ACKR3: variants seen among roughly 807,000 people sequenced by gnomAD.
ACKR3 encodes atypical chemokine receptor 3.
In ACKR3, 6 loss-of-function variants were observed where a neutral mutation model predicts 22.4. That is an observed-to-expected ratio of 0.27 (90% CI 0.15 to 0.53). The LOEUF is 0.53. ACKR3 is among the 20% of genes least tolerant of loss of function. ACKR3 has a pLI of 0.96. For missense variants in ACKR3, 396 were observed against 475.2 expected, an observed-to-expected ratio of 0.83 and a Z score of 1.55; for synonymous variants, 209 against 205.2, an observed-to-expected ratio of 1.02 and a Z score of -0.16.
At position 236,574,827 on chromosome 2, in the gene ACKR3, T is replaced by G. The variant is rs1189228727; in HGVS notation, c.-27+4903T>G. Among the ~76,000 whole-genome samples the G allele has an allele frequency of 6.6e-6, 1 of 152,070 alleles. No homozygotes were observed. The highest frequency in any genetic ancestry group is 2.4e-5 in the African/African-American group (1 of 41,394). ...ACATCCCAGAAACGAGAGGTGCATC[T>G]CCGAGAAAGTCCTGCAATTGACAAG... is the stretch of plus-strand genomic sequence containing the variant. On this transcript the variant is annotated intron_variant, in intron 1 of 1. Coordinates refer to ENST00000272928, the MANE Select transcript of ACKR3 (RefSeq NM_020311.3). This position sits in a 1 kb window ranked among gnomAD's most constrained non-coding sequence, Gnocchi z 5.6.
upstream of ACKR3, among the ~76,000 whole-genome samples, chr2:236,564,015 A>T (rs1189699611): frequency 2.0e-5 from 3 of 152,162 alleles, no homozygotes; most frequent in Non-Finnish European, 2.9e-5. Flanking sequence ...AGGGAGCCTA[A>T]GGCCCACCGG....
chr2:236,539,795 A>C, the ACKR3 span, among the ~76,000 whole-genome samples: 1 of 152,218 alleles, frequency 6.6e-6, no homozygotes, highest in Non-Finnish European at 1.5e-5. Flanking sequence ...ACTGACTCAC[A>C]GTTCTACATG....
the ACKR3 span, among the ~76,000 whole-genome samples, chr2:236,556,758 C>T: frequency 1.9e-3 from 284 of 152,276 alleles, 2 homozygotes; most frequent in Middle Eastern, 6.8e-3. Context: ...TTGTGATCTC[C>T]GCTCACTGCA....
chr2:236,551,202 C>T, the ACKR3 span, among the ~76,000 whole-genome samples: 1 of 152,230 alleles, frequency 6.6e-6, no homozygotes, highest in Non-Finnish European at 1.5e-5. Context: ...TCTCCCTCAG[C>T]CTCCCGGTGC....
At chr2:236,547,263 T>C in the ACKR3 span, among the ~76,000 whole-genome samples, 3 of 152,222 alleles carry the variant, frequency 2.0e-5, no homozygotes, top group Admixed American at 2.0e-4. Flanking sequence ...CTTGTTTTTT[T>C]CTTCTTGCTT....
chr2:236,543,298 T>A, the ACKR3 span, among the ~76,000 whole-genome samples: 2 of 152,116 alleles, frequency 1.3e-5, no homozygotes, highest in Non-Finnish European at 2.9e-5. Flanking sequence ...GGGCTCACGT[T>A]TTGTGGACCT....
the ACKR3 span, among the ~76,000 whole-genome samples, chr2:236,547,210 G>C: frequency 6.6e-6 from 1 of 152,170 alleles, no homozygotes; most frequent in African/African-American, 2.4e-5. Context: ...AAGTTGCCCA[G>C]AGCCTCTTTA....
At chr2:236,551,470 C>T in the ACKR3 span, among the ~76,000 whole-genome samples, 2 of 152,050 alleles carry the variant, frequency 1.3e-5, no homozygotes, top group East Asian at 1.9e-4. Context: ...CACAGCAGTC[C>T]GGCAGTGCTG....
intron 1 of ACKR3, among the ~76,000 whole-genome samples, chr2:236,572,708 A>G (rs1023811266): frequency 1.3e-5 from 2 of 152,118 alleles, no homozygotes; most frequent in African/African-American, 2.4e-5. Context: ...TGACGTGGGA[A>G]TCTCTGGACC....
At chr2:236,559,320 C>T in the ACKR3 span, among the ~76,000 whole-genome samples, 9 of 152,112 alleles carry the variant, frequency 5.9e-5, no homozygotes, top group Non-Finnish European at 1.3e-4. Context: ...ATAAAGTATG[C>T]CTATGTACTC....
chr2:236,542,524 G>A, the ACKR3 span, among the ~76,000 whole-genome samples: 1 of 152,170 alleles, frequency 6.6e-6, no homozygotes, highest in African/African-American at 2.4e-5. Context: ...GCAATATCAT[G>A]TAGAGCATTA....
In ACKR3 at chr2:236,581,609, G is replaced by A; in HGVS notation, c.*55G>A. On this transcript the variant is annotated 3_prime_UTR_variant, in exon 2 of 2. Coordinates refer to ENST00000272928, the MANE Select transcript of ACKR3 (RefSeq NM_020311.3). This position sits in a 1 kb window ranked among gnomAD's most constrained non-coding sequence, Gnocchi z 4.4. ...TACTTGTTTTTGAACAGGGTGATGG[G>A]CCCTATGGTTTTCTAGAGCAAAGCA... 6.4e-7 allele frequency: 1 copy of A among 1,554,774 alleles called. No homozygotes were observed. The highest frequency in any genetic ancestry group is 1.9e-5 in the Admixed American group (1 of 52,422).
chr2:236,568,247 C>T (rs963809551), upstream of ACKR3, among the ~76,000 whole-genome samples: 2 of 152,226 alleles, frequency 1.3e-5, no homozygotes, highest in African/African-American at 2.4e-5. Context: ...AGGACAGGCC[C>T]CGGAGTCACG....
chr2:236,549,493 T>A, the ACKR3 span, among the ~76,000 whole-genome samples: 1 of 152,236 alleles, frequency 6.6e-6, no homozygotes, highest in Non-Finnish European at 1.5e-5. This position sits in a 1 kb window ranked among gnomAD's most constrained non-coding sequence, Gnocchi z 5.3. Flanking sequence ...AGATTAGTCT[T>A]CATGAGGCCT....
intron 1 of ACKR3, among the ~76,000 whole-genome samples, chr2:236,570,929 T>G (rs1020695760): frequency 7.9e-5 from 12 of 152,360 alleles, no homozygotes; most frequent in Admixed American, 6.5e-4. Context: ...TTAAATGGTT[T>G]ACAGCCCTTT....
Position 236,581,238 on chromosome 2 carries a change from T to G in ACKR3, c.773T>G (p.Val258Gly). The G allele has an allele frequency of 6.2e-7, 1 of 1,614,054 alleles. No homozygotes were observed. Among genetic ancestry groups the G allele is most frequent in the Non-Finnish European group, 8.5e-7 (1 of 1,179,958 alleles). The stretch of plus-strand genomic sequence containing the variant: ...AGCCGGAAGATCATCTTCTCCTACG[T>G]GGTGGTCTTCCTTGTCTGCTGGCTG... ...HSSRKIIFSY[V>G]VVFLVCWLPY... Residue 258 changes from valine (V) to glycine (G), a missense_variant, in exon 2 of 2, where the codon GTG (valine) becomes GGG (glycine). Coordinates refer to ENST00000272928, the MANE Select transcript of ACKR3 (RefSeq NM_020311.3). This position sits in a 1 kb window ranked among gnomAD's most constrained non-coding sequence, Gnocchi z 4.4.
chr2:236,569,509 A>T (rs1367687838), upstream of ACKR3: 1 of 152,230 alleles, frequency 6.6e-6, no homozygotes, highest in Non-Finnish European at 1.5e-5. Context: ...CCAGATAAAT[A>T]TTTGATGATT....
At chr2:236,559,785 T>C in the ACKR3 span, among the ~76,000 whole-genome samples, 2 of 152,186 alleles carry the variant, frequency 1.3e-5, no homozygotes, top group Non-Finnish European at 2.9e-5. Flanking sequence ...GCACCACAGA[T>C]TAATATGACT....
intron 1 of ACKR3, among the ~76,000 whole-genome samples, chr2:236,576,448 C>G (rs1691413753): frequency 6.6e-6 from 1 of 152,218 alleles, no homozygotes; most frequent in Non-Finnish European, 1.5e-5. Flanking sequence ...CCCTCCCTCT[C>G]TCCACTTTCA....
Sources: gnomAD v4.1 joint callset for allele counts (sites outside exome capture counted in the v4.1 genomes callset) on GRCh38, gnomAD v4.1.1 for gene constraint, Gnocchi (gnomAD v3.1) non-coding constraint, MANE v1.5 for transcripts, NCBI Gene and HGNC (gene_info 2026-07-23, HGNC 2026-07-21) for gene names.